The following SPAG6 variants were observed in gnomAD, a reference collection of about 807,000 sequenced individuals.
SPAG6 encodes sperm associated antigen 6, also known as sperm-associated antigen 6.
SPAG6 carries 49 observed loss-of-function variants against 58.5 expected under a neutral mutation model. The observed-to-expected ratio is 0.84, with a 90% CI of 0.67 to 1.06. The LOEUF is 1.06. SPAG6 is among the 50% of genes least tolerant of loss of function. The pLI is 0.00. For synonymous variants in SPAG6, 233 were observed against 225.6 expected (o/e 1.03, Z -0.29); for missense variants, 560 against 611.3 (o/e 0.92, Z 0.89).
chr10:22,415,522 C>T (rs1834847393), intron 10 of SPAG6, among the ~76,000 whole-genome samples: 1 of 152,034 alleles, frequency 6.6e-6, no homozygotes, highest in Non-Finnish European at 1.5e-5. Context: ...AGGGGAGAAA[C>T]ATTCTTTAAG....
At chr10:22,407,066 A>G (rs1397501371) in intron 9 of SPAG6, among the ~76,000 whole-genome samples, 3 of 152,088 alleles carry the variant, frequency 2.0e-5, no homozygotes, top group Non-Finnish European at 2.9e-5. Context: ...AATATAGCAC[A>G]CTGATGTGTC....
intron 2 of SPAG6, among the ~76,000 whole-genome samples, chr10:22,356,501 A>G (rs1836871788): frequency 6.6e-6 from 1 of 152,236 alleles, no homozygotes; most frequent in African/African-American, 2.4e-5. Flanking sequence ...AGAAAATCTT[A>G]GTTTGGCCTA....
At chr10:22,355,413 A>C (rs1836839543) in intron 2 of SPAG6, among the ~76,000 whole-genome samples, 1 of 152,224 alleles carries the variant, frequency 6.6e-6, no homozygotes, top group African/African-American at 2.4e-5. Context: ...AAAATGATAT[A>C]TCAGATATGG....
chr10:22,381,721 G>A (rs1833962779), intron 4 of SPAG6, among the ~76,000 whole-genome samples: 2 of 151,816 alleles, frequency 1.3e-5, no homozygotes, highest in African/African-American at 4.8e-5. Flanking sequence ...TATGCTAAGG[G>A]GCATTCCTGT....
At chr10:22,385,086 C>T (rs1188547488) in intron 4 of SPAG6, among the ~76,000 whole-genome samples, 2 of 151,922 alleles carry the variant, frequency 1.3e-5, no homozygotes, top group Non-Finnish European at 2.9e-5. Flanking sequence ...TACTATATGA[C>T]ACTTGTATAA....
chr10:22,403,478 G>A (rs1834467221), intron 9 of SPAG6, among the ~76,000 whole-genome samples: 1 of 152,160 alleles, frequency 6.6e-6, no homozygotes, highest in South Asian at 2.1e-4. Flanking sequence ...CATTTTTTAT[G>A]GCTTCATACT....
intron 4 of SPAG6, among the ~76,000 whole-genome samples, chr10:22,380,541 A>G (rs900825712): frequency 2.0e-5 from 3 of 152,054 alleles, no homozygotes; most frequent in Non-Finnish European, 2.9e-5. Context: ...TCCTGGCTTC[A>G]AGCAATCTGC....
intron 4 of SPAG6, among the ~76,000 whole-genome samples, chr10:22,371,262 C>CT (rs941331991): frequency 9.2e-5 from 14 of 151,450 alleles, no homozygotes; most frequent in African/African-American, 2.7e-4. Context: ...AACCTGATTT[C>CT]TTTTTTTTTG....
At chr10:22,365,737 T>C (rs1329585842) in intron 3 of SPAG6, among the ~76,000 whole-genome samples, 5 of 152,072 alleles carry the variant, frequency 3.3e-5, no homozygotes, top group African/African-American at 9.7e-5. Flanking sequence ...GACAAGCCAA[T>C]TGAAAAATCG....
intron 2 of SPAG6, among the ~76,000 whole-genome samples, chr10:22,362,221 G>A (rs1244577782): frequency 1.4e-5 from 2 of 145,976 alleles, no homozygotes; most frequent in East Asian, 3.9e-4. Flanking sequence ...ATGTATATAT[G>A]TATATATCTA....
At chr10:22,374,602 T>TAA (rs764220934) in intron 4 of SPAG6, among the ~76,000 whole-genome samples, 2,943 of 97,092 alleles carry the variant, frequency 0.03, 205 homozygotes, top group African/African-American at 0.11. Flanking sequence ...ACCCTGTATG[T>TAA]AAAAAAAAAA....
At chr10:22,412,520 A>G in intron 10 of SPAG6, 1 of 1,476,672 alleles carries the variant, frequency 6.8e-7, no homozygotes, top group Non-Finnish European at 9.1e-7. Context: ...AAGAGTTCCA[A>G]TAGGTAAGCT....
chr10:22,345,525 C>G lies in SPAG6; in HGVS notation c.-87C>G. The G allele has an allele frequency of 8.5e-7, 1 of 1,170,204 alleles. No individual in the cohort carries two copies. The highest frequency in any genetic ancestry group is 1.2e-6 in the Non-Finnish European group (1 of 843,450). 72.5% of individuals were successfully genotyped at this position (1,170,204 alleles called of 1,614,324 possible). A position where few individuals can be genotyped will look rare whatever the true frequency, so the allele number is the denominator to read the frequency against. On this transcript the variant is annotated 5_prime_UTR_variant, in exon 1 of 11. Transcript: ENST00000376624. The surrounding 1 kb of genome is among the most constrained non-coding windows in gnomAD (Gnocchi z 6.3). ...AAGCGGCTCCCGTCGGAGGCCGAGT[C>G]GTCGCCACGATCGCCCCCTTGGTGG...
intron 2 of SPAG6, chr10:22,361,002 A>T: frequency 1.6e-6 from 1 of 632,562 alleles, no homozygotes. Context: ...TCCATGTTTA[A>T]TATGTGTAAG....
intron 9 of SPAG6, among the ~76,000 whole-genome samples, chr10:22,405,712 G>C (rs1834535499): frequency 6.6e-6 from 1 of 152,108 alleles, no homozygotes; most frequent in Non-Finnish European, 1.5e-5. Context: ...AGAAGGAATG[G>C]TACCAGCTCC....
chr10:22,345,701 C>A lies in SPAG6; in HGVS notation c.26-22C>A, dbSNP rs752878259. On this transcript the variant is annotated intron_variant, in intron 1 of 10. Transcript: ENST00000376624. This position sits in a 1 kb window ranked among gnomAD's most constrained non-coding sequence, Gnocchi z 6.3. ...CGAGGAGACCCGGGTGCGGTGGGCT[C>A]CACCGACTCTCTCTCCCGCAGTGTT... is the stretch of plus-strand genomic sequence containing the variant. 6.2e-7 allele frequency: 1 copy of A among 1,602,630 alleles called. No homozygotes were observed. The highest frequency in any genetic ancestry group is 1.3e-5 in the African/African-American group (1 of 74,544).
At chr10:22,374,416 C>T (rs1024241890) in intron 4 of SPAG6, among the ~76,000 whole-genome samples, 16 of 151,860 alleles carry the variant, frequency 1.1e-4, no homozygotes, top group African/African-American at 3.6e-4. Context: ...ACACAATGTA[C>T]AATACTGTAT....
At chr10:22,411,006 C>T (rs776441405) in intron 9 of SPAG6, 25 bp from the exon 10 acceptor site, 17 of 1,595,882 alleles carry the variant, frequency 1.1e-5, no homozygotes, top group Non-Finnish European at 1.4e-5. Flanking sequence ...GAAAAGCTGA[C>T]ATTTTATGTG....
chr10:22,382,699 C>A (rs1484909402), intron 4 of SPAG6, among the ~76,000 whole-genome samples: 2 of 152,018 alleles, frequency 1.3e-5, no homozygotes, highest in African/African-American at 4.8e-5. Context: ...TATATTCCAC[C>A]ATCTTTTAAA....
Sources: gnomAD v4.1 joint callset for allele counts (sites outside exome capture counted in the v4.1 genomes callset) on GRCh38, gnomAD v4.1.1 for gene constraint, Gnocchi (gnomAD v3.1) non-coding constraint, MANE v1.5 for transcripts, NCBI Gene and HGNC (gene_info 2026-07-23, HGNC 2026-07-21) for gene names.